Variants in ASAP1 observed in about 807,000 individuals in gnomAD.
The protein encoded by ASAP1 is ArfGAP with SH3 domain, ankyrin repeat and PH domain 1.
In ASAP1, 43 loss-of-function variants were observed where a neutral mutation model predicts 145.2. That is an observed-to-expected ratio of 0.30 (90% CI 0.23 to 0.38). The LOEUF (loss-of-function observed/expected upper bound fraction) is 0.38, where lower values mean the gene tolerates loss of function less well. Among genes scored for constraint, ASAP1 ranks in the 10% least tolerant of loss-of-function variants. The pLI is 1.00. For missense variants in ASAP1, 1,018 were observed against 1,355.3 expected, an observed-to-expected ratio of 0.75 and a Z score of 3.91; for synonymous variants, 546 against 515.5, an observed-to-expected ratio of 1.06 and a Z score of -0.80.
intron 24 of ASAP1, among the ~76,000 whole-genome samples, chr8:130,104,078 G>A (rs2097533138): frequency 6.6e-6 from 1 of 152,070 alleles, no homozygotes; most frequent in African/African-American, 2.4e-5. Flanking sequence ...GCATCCATAG[G>A]GCATGATCTG....
At chr8:130,361,368 G>T (rs567212766) in intron 2 of ASAP1, among the ~76,000 whole-genome samples, 1 of 152,126 alleles carries the variant, frequency 6.6e-6, no homozygotes, top group African/African-American at 2.4e-5. Context: ...AGCAGGAGCC[G>T]ACTTGTGTAT....
intron 2 of ASAP1, among the ~76,000 whole-genome samples, chr8:130,394,848 A>T (rs1828453371): frequency 6.6e-6 from 1 of 152,108 alleles, no homozygotes; most frequent in African/African-American, 2.4e-5. Context: ...ACAAACTCCT[A>T]AGGGGTACAG....
chr8:130,188,207 G>C (rs1395403355), intron 5 of ASAP1, 24 bp from the exon 6 acceptor site: 2 of 1,582,984 alleles, frequency 1.3e-6, no homozygotes, highest in Non-Finnish European at 1.7e-6. Flanking sequence ...GGGAAGATGG[G>C]AGATGGTTAA....
chr8:130,300,911 G>T (rs749798218), intron 3 of ASAP1, among the ~76,000 whole-genome samples: 1 of 152,026 alleles, frequency 6.6e-6, no homozygotes, highest in East Asian at 1.9e-4. Context: ...TAAGAAGGGG[G>T]GCTCCCTGCA....
intron 3 of ASAP1, among the ~76,000 whole-genome samples, chr8:130,324,475 C>T (rs916300856): frequency 3.3e-5 from 5 of 152,040 alleles, no homozygotes; most frequent in Admixed American, 2.0e-4. Flanking sequence ...TAAGTCTGAC[C>T]CCTTTGCTCT....
intron 3 of ASAP1, among the ~76,000 whole-genome samples, chr8:130,339,262 T>C: frequency 6.6e-6 from 1 of 152,130 alleles, no homozygotes; most frequent in East Asian, 1.9e-4. Flanking sequence ...TCTTCACCAA[T>C]ATCTCAAGGT....
chr8:130,140,858 G>A (rs1019439058), intron 13 of ASAP1, among the ~76,000 whole-genome samples: 2 of 152,210 alleles, frequency 1.3e-5, no homozygotes, highest in East Asian at 3.8e-4. Flanking sequence ...CTTACCCAGG[G>A]CTGAGCCCAC....
intron 3 of ASAP1, among the ~76,000 whole-genome samples, chr8:130,347,531 T>A (rs950493031): frequency 6.6e-6 from 1 of 152,230 alleles, no homozygotes; most frequent in African/African-American, 2.4e-5. Flanking sequence ...CTGAATCTAG[T>A]CCCAGCTTTG....
chr8:130,206,655 G>T (rs1486823126), intron 5 of ASAP1, among the ~76,000 whole-genome samples: 1 of 152,116 alleles, frequency 6.6e-6, no homozygotes, highest in Non-Finnish European at 1.5e-5. Flanking sequence ...GAAACCAGAT[G>T]CATGGTGAGT....
intron 3 of ASAP1, among the ~76,000 whole-genome samples, chr8:130,271,819 A>G (rs557821222): frequency 2.0e-5 from 3 of 152,224 alleles, no homozygotes; most frequent in South Asian, 4.1e-4. Context: ...TTATCATTCT[A>G]TTCTCTAGTA....
rs745389921 is a variant in ASAP1 at position 130,283,583 on chromosome 8, G to GAAAAAAAAAAAAAAAAAA, written c.187-46590_187-46589insTTTTTTTTTTTTTTTTTT. On this transcript the variant is annotated intron_variant, in intron 3 of 29. Coordinates refer to ENST00000518721, the MANE Select transcript of ASAP1 (RefSeq NM_018482.4). ...GGTGACAGAACAAGACTCCATCACA[G>GAAAAAAAAAAAAAAAAAA]AAAGAAAAAAAAAAAAAAAAAAAAA... Among the ~76,000 whole-genome samples, 5 of 98,792 alleles carry GAAAAAAAAAAAAAAAAAA rather than the reference G, an allele frequency of 5.1e-5. 2 individuals carry two copies. The highest frequency in any genetic ancestry group is 8.4e-5 in the African/African-American group (2 of 23,868). The allele number at this position is 98,792 out of a possible 152,430, so 64.8% of individuals were successfully genotyped here.
intron 27 of ASAP1, among the ~76,000 whole-genome samples, chr8:130,075,461 G>C (rs952921925): frequency 5.9e-5 from 9 of 152,142 alleles, no homozygotes; most frequent in Non-Finnish European, 1.0e-4. Context: ...ACTAGGCAAC[G>C]GAGCACTAGA....
intron 3 of ASAP1, among the ~76,000 whole-genome samples, chr8:130,268,515 AC>A (rs1283026202): frequency 5.9e-5 from 9 of 151,602 alleles, no homozygotes; most frequent in African/African-American, 2.2e-4. Flanking sequence ...ACACACACAC[AC>A]ACACACACAC....
intron 14 of ASAP1, among the ~76,000 whole-genome samples, chr8:130,136,510 T>C (rs1181818236): frequency 6.6e-6 from 1 of 151,780 alleles, no homozygotes; most frequent in Non-Finnish European, 1.5e-5. Context: ...CATTCCCAAG[T>C]CTACATCCGT....
intron 24 of ASAP1, among the ~76,000 whole-genome samples, chr8:130,093,666 CA>C (rs71572317): frequency 2.4e-3 from 127 of 52,208 alleles, no homozygotes; most frequent in Non-Finnish European, 3.3e-3. Flanking sequence ...GACTCCGTCT[CA>C]AAAAAAAAAA....
At chr8:130,335,838 CA>C (rs1258727978) in intron 3 of ASAP1, among the ~76,000 whole-genome samples, 1 of 152,086 alleles carries the variant, frequency 6.6e-6, no homozygotes, top group East Asian at 1.9e-4. Flanking sequence ...TGAATCTAAA[CA>C]AGAGGTTAAT....
At chr8:130,145,897 G>A (rs925969709) in intron 13 of ASAP1, among the ~76,000 whole-genome samples, 2 of 150,018 alleles carry the variant, frequency 1.3e-5, no homozygotes, top group Admixed American at 6.6e-5. Context: ...GGTGGGGTAC[G>A]GTGGTGTGAT....
chr8:130,318,122 G>T (rs1254263411), intron 3 of ASAP1, among the ~76,000 whole-genome samples: 1 of 152,148 alleles, frequency 6.6e-6, no homozygotes, highest in Non-Finnish European at 1.5e-5. Flanking sequence ...CTGAGAGAGG[G>T]TCTCACTGTA....
intron 4 of ASAP1, among the ~76,000 whole-genome samples, chr8:130,215,143 G>A (rs1025688787): frequency 8.6e-5 from 13 of 151,884 alleles, no homozygotes; most frequent in Admixed American, 3.9e-4. Context: ...CTTGTGATCC[G>A]CCCACCTCGG....
Sources: gnomAD v4.1 joint callset for allele counts (sites outside exome capture counted in the v4.1 genomes callset) on GRCh38, gnomAD v4.1.1 for gene constraint, MANE v1.5 for transcripts, NCBI Gene and HGNC (gene_info 2026-07-23, HGNC 2026-07-21) for gene names.